The following CRTC3 variants were observed in gnomAD, a reference collection of about 807,000 sequenced individuals.
CRTC3 encodes CREB-regulated transcription coactivator 3.
A neutral mutation model predicts 74.5 loss-of-function variants in CRTC3; 26 were observed. The ratio of observed to expected loss-of-function variants is 0.35; its 90% CI spans 0.26 to 0.48. The LOEUF (loss-of-function observed/expected upper bound fraction) is 0.48. Ranked by LOEUF, CRTC3 falls within the 20% of genes least tolerant of loss-of-function variation. CRTC3 has a pLI of 0.99. For missense variants in CRTC3, 760 were observed against 787.3 expected (o/e 0.97, Z 0.41); for synonymous variants, 377 against 325.8 (o/e 1.16, Z -1.69).
chr15:90,604,548 T>C, intron 5 of CRTC3, 101 bp downstream of exon 5: 2 of 897,966 alleles, frequency 2.2e-6, no homozygotes, highest in South Asian at 2.8e-5. Context: ...TTATGTAAGC[T>C]GTGTTGATAT....
chr15:90,613,748 A>G (rs899478284), intron 6 of CRTC3: 1 of 152,088 alleles, frequency 6.6e-6, no homozygotes, highest in Non-Finnish European at 1.5e-5. Flanking sequence ...GGTATATTTG[A>G]TTGCTCTTAA....
At chr15:90,607,775 C>T (rs1378753332) in intron 6 of CRTC3, among the ~76,000 whole-genome samples, 2 of 152,198 alleles carry the variant, frequency 1.3e-5, no homozygotes, top group African/African-American at 2.4e-5. Flanking sequence ...GATTTCCAGT[C>T]TCACATCCCT....
At chr15:90,609,710 T>C (rs1217020075) in intron 6 of CRTC3, among the ~76,000 whole-genome samples, 1 of 152,160 alleles carries the variant, frequency 6.6e-6, no homozygotes, top group Admixed American at 6.5e-5. Flanking sequence ...ATGTAGCCTC[T>C]GAGAGAAGAG....
intron 10 of CRTC3, 31 bp from the exon 11 acceptor site, chr15:90,629,203 A>G (rs1291099466): frequency 1.3e-6 from 2 of 1,590,932 alleles, no homozygotes; most frequent in East Asian, 2.2e-5. Flanking sequence ...GTCTGAAATT[A>G]TAAGTAACTT....
chr15:90,610,923 T>G (rs775453922), intron 6 of CRTC3, among the ~76,000 whole-genome samples: 1 of 152,188 alleles, frequency 6.6e-6, no homozygotes, highest in Non-Finnish European at 1.5e-5. Flanking sequence ...ATTGCCATCT[T>G]TGGGGACCAC....
chr15:90,630,668 C>T (rs1969003909), intron 11 of CRTC3, among the ~76,000 whole-genome samples: 1 of 151,374 alleles, frequency 6.6e-6, no homozygotes, highest in Non-Finnish European at 1.5e-5. Flanking sequence ...CCTATAAATT[C>T]TAAACTCAGA....
chr15:90,620,107 A>C (rs1968603259), intron 9 of CRTC3: 2 of 310,724 alleles, frequency 6.4e-6, no homozygotes, highest in Non-Finnish European at 1.2e-5. Context: ...AATCGAGAGG[A>C]GCCTACCAGC....
intron 3 of CRTC3, chr15:90,598,779 T>C: frequency 2.0e-6 from 1 of 490,796 alleles, no homozygotes. Flanking sequence ...TGTCGATTTA[T>C]GAGTTACTGG....
In CRTC3 at chr15:90,542,105, T is replaced by G. The variant is rs369900600; in HGVS notation, c.231+1968T>G. Among the ~76,000 whole-genome samples, 25 of 151,576 alleles carry G rather than the reference T, an allele frequency of 1.6e-4. 1 individual carries two copies. In the South Asian group the frequency reaches 5.2e-3, roughly 32 times the overall value. On this transcript the variant is annotated intron_variant, in intron 2 of 14. Transcript: ENST00000268184. ...AGCCCCCAGGATTCTTTTCATACTGTTTTTGTTTTGTTTTGTTTTGTTTTT... is the reference window on the plus strand; with the variant it reads ...AGCCCCCAGGATTCTTTTCATACTGGTTTTGTTTTGTTTTGTTTTGTTTTT...
At chr15:90,544,847 C>G (rs1252010445) in intron 2 of CRTC3, among the ~76,000 whole-genome samples, 2 of 152,210 alleles carry the variant, frequency 1.3e-5, no homozygotes, top group Non-Finnish European at 2.9e-5. Flanking sequence ...AATTTACCAT[C>G]TTAACCATTT....
intron 2 of CRTC3, among the ~76,000 whole-genome samples, chr15:90,555,932 C>G (rs561079171): frequency 6.6e-6 from 1 of 152,018 alleles, no homozygotes; most frequent in East Asian, 1.9e-4. Context: ...AATATGTGCT[C>G]ATTGTGTAAA....
chr15:90,564,332 ATTTC>A (rs1345071254), intron 2 of CRTC3, among the ~76,000 whole-genome samples: 1 of 152,134 alleles, frequency 6.6e-6, no homozygotes, highest in Admixed American at 6.5e-5. Context: ...CCATTTCCTG[ATTTC>A]TTTATTTGTT....
chr15:90,583,349 C>A lies in CRTC3; in HGVS notation c.232-10287C>A, dbSNP rs572597339. Among the ~76,000 whole-genome samples, 3 of 152,302 alleles carry A rather than the reference C, an allele frequency of 2.0e-5. No individual in the cohort carries two copies. In the South Asian group the frequency reaches 6.2e-4, roughly 32 times the overall value. ...AAATACAGACTAGGAAGGGGCAACA[C>A]AAGGGCCACAGACATGGTGATAGGC... On this transcript the variant is annotated intron_variant, in intron 2 of 14. Coordinates refer to ENST00000268184, the MANE Select transcript of CRTC3 (RefSeq NM_022769.5).
chr15:90,581,098 G>A (rs997167089), intron 2 of CRTC3, among the ~76,000 whole-genome samples: 21 of 152,072 alleles, frequency 1.4e-4, no homozygotes, highest in Non-Finnish European at 2.6e-4. Flanking sequence ...AAAGTACTCC[G>A]TTCCCATCTT....
intron 6 of CRTC3, among the ~76,000 whole-genome samples, chr15:90,608,347 T>C (rs895539609): frequency 6.6e-5 from 10 of 152,162 alleles, no homozygotes; most frequent in Non-Finnish European, 1.0e-4. Flanking sequence ...GCCTGGCTCC[T>C]GTCTGCCTCT....
intron 1 of CRTC3, among the ~76,000 whole-genome samples, chr15:90,534,418 A>G (rs1966683505): frequency 6.6e-6 from 1 of 152,188 alleles, no homozygotes; most frequent in Non-Finnish European, 1.5e-5. Flanking sequence ...CTACTGAGAA[A>G]AATGGGGGAA....
At chr15:90,551,359 C>G (rs374745277) in intron 2 of CRTC3, among the ~76,000 whole-genome samples, 1 of 152,154 alleles carries the variant, frequency 6.6e-6, no homozygotes, top group South Asian at 2.1e-4. Context: ...CTGTCTCCCC[C>G]TCACCGCTGC....
At chr15:90,550,365 G>A (rs1043781906) in intron 2 of CRTC3, among the ~76,000 whole-genome samples, 3 of 149,994 alleles carry the variant, frequency 2.0e-5, no homozygotes, top group South Asian at 2.1e-4. Context: ...TGCTGAGATC[G>A]CACCATTGCA....
At position 90,630,756 on chromosome 15, in the gene CRTC3, A is replaced by ATTTTTTTTTTTTTTT. The variant is rs1175467073; in HGVS notation, c.1266+1242_1266+1256dup. On this transcript the variant is annotated intron_variant, in intron 11 of 14. Coordinates refer to ENST00000268184, the MANE Select transcript of CRTC3 (RefSeq NM_022769.5). ...CACATCCTCTGTCTATTACAGCATC[A>ATTTTTTTTTTTTTTT]TTTTTTTTTTTTTTTTTTTTTTTTT... Among the ~76,000 whole-genome samples, 3 of 23,652 alleles carry ATTTTTTTTTTTTTTT rather than the reference A, an allele frequency of 1.3e-4. 1 individual carries two copies. The highest frequency in any genetic ancestry group is 2.1e-4 in the African/African-American group (2 of 9,428). The allele number at this position is 23,652 out of a possible 152,430, so 15.5% of individuals were successfully genotyped here. A position where few individuals can be genotyped will look rare whatever the true frequency, so the allele number is the denominator to read the frequency against.
Sources: allele counts gnomAD v4.1 joint callset (sites outside exome capture counted in the v4.1 genomes callset), GRCh38; gene constraint gnomAD v4.1.1; transcripts MANE v1.5; gene names NCBI Gene and HGNC (gene_info 2026-07-23, HGNC 2026-07-21).